PKNOX2: variants seen among roughly 807,000 people sequenced by gnomAD.
PKNOX2 encodes the protein homeobox protein PKNOX2.
In PKNOX2, 14 loss-of-function variants were observed where a neutral mutation model predicts 53.1. The ratio of observed to expected loss-of-function variants is 0.26; its 90% CI spans 0.17 to 0.41. PKNOX2 has a LOEUF of 0.41. Ranked by LOEUF, PKNOX2 falls within the 10% of genes least tolerant of loss-of-function variation. The probability of loss-of-function intolerance (pLI) is 1.00; values close to 1 mark genes in which losing one functional copy is unlikely to be tolerated. For missense variants in PKNOX2, 496 were observed against 602.8 expected, an observed-to-expected ratio of 0.82 and a Z score of 1.85; for synonymous variants, 257 against 242.8, an observed-to-expected ratio of 1.06 and a Z score of -0.54.
At chr11:125,309,387 A>ATTTTTTTT (rs67761552) in intron 2 of PKNOX2, among the ~76,000 whole-genome samples, 2 of 135,238 alleles carry the variant, frequency 1.5e-5, no homozygotes, top group African/African-American at 5.6e-5. Flanking sequence ...AACAGTACCA[A>ATTTTTTTT]TTTTTTTTTT....
chr11:125,399,347 A>C (rs891251337), intron 7 of PKNOX2, among the ~76,000 whole-genome samples: 5 of 152,246 alleles, frequency 3.3e-5, no homozygotes, highest in Non-Finnish European at 7.3e-5. Flanking sequence ...TATGATCAAA[A>C]TTAGCAAGAA....
At chr11:125,409,984 T>A (rs1413562914) in intron 7 of PKNOX2, 3 of 571,774 alleles carry the variant, frequency 5.2e-6, no homozygotes, top group Non-Finnish European at 8.7e-6. Context: ...GTTAAATGGG[T>A]GACTCTTTTT....
At chr11:125,171,930 G>A (rs1027741964) in intron 1 of PKNOX2, among the ~76,000 whole-genome samples, 1 of 152,174 alleles carries the variant, frequency 6.6e-6, no homozygotes, top group Non-Finnish European at 1.5e-5. Flanking sequence ...GAGGTGACGT[G>A]GAAAAAGCCA....
rs549924233 is a variant in PKNOX2, at chr11:125,416,453, C to A, written c.936+4588C>A. Among the ~76,000 whole-genome samples the A allele has an allele frequency of 2.1e-4, 32 of 151,796 alleles. No individual in the cohort carries two copies. In the South Asian group the frequency reaches 6.6e-3, roughly 31 times the overall value. On this transcript the variant is annotated intron_variant, in intron 10 of 12. Coordinates refer to ENST00000298282, the MANE Select transcript of PKNOX2 (RefSeq NM_001382323.2). ...ATCCTAACTATTCAGCATTTGTAAG[C>A]AAATTTGGGCCTCAAGACTTTTGAA...
intron 3 of PKNOX2, among the ~76,000 whole-genome samples, chr11:125,335,698 G>A (rs1163975670): frequency 2.0e-5 from 3 of 152,168 alleles, no homozygotes; most frequent in Non-Finnish European, 4.4e-5. Flanking sequence ...CACACCTGTA[G>A]TTCCAGCTAC....
At chr11:125,384,442 T>C (rs1953479782) in intron 5 of PKNOX2, among the ~76,000 whole-genome samples, 1 of 151,984 alleles carries the variant, frequency 6.6e-6, no homozygotes, top group African/African-American at 2.4e-5. Flanking sequence ...TCTCAGCACT[T>C]TGGGAGGCTG....
rs144483874 is a variant in PKNOX2, at chr11:125,234,587, G to A, written c.-200-458G>A. On this transcript the variant is annotated intron_variant, in intron 1 of 12. Transcript: ENST00000298282. ...GGTAGACAACAGGGTCAGCGTTGTC[G>A]TTTGCTTGCCTTTTGCAGCCTTCCC... is the stretch of plus-strand genomic sequence containing the variant. Among the ~76,000 whole-genome samples, 633 of 152,250 alleles carry A rather than the reference G, an allele frequency of 4.2e-3. 3 individuals are homozygous for A. The highest frequency in any genetic ancestry group is 0.014 in the African/African-American group (581 of 41,532).
rs751146023 is a variant in PKNOX2 at position 125,297,505 on chromosome 11, A to T, written c.-129-34314A>T. Among the ~76,000 whole-genome samples the T allele has an allele frequency of 2.0e-5, 3 of 152,252 alleles. No individual in the cohort carries two copies. In the East Asian group the frequency reaches 5.8e-4, roughly 29 times the overall value. ...GACAGCATGAGTAGGAAAGTGCTTC[A>T]TTCTGGAGAAGTCAGAGAAGGCTTC... On this transcript the variant is annotated intron_variant, in intron 2 of 12. Coordinates refer to ENST00000298282, the MANE Select transcript of PKNOX2 (RefSeq NM_001382323.2).
chr11:125,224,364 C>T (rs1403611410), intron 1 of PKNOX2, among the ~76,000 whole-genome samples: 4 of 152,352 alleles, frequency 2.6e-5, no homozygotes, highest in African/African-American at 9.6e-5. Context: ...ATCTACCTGC[C>T]ATCAGAGTAA....
intron 2 of PKNOX2, among the ~76,000 whole-genome samples, chr11:125,301,150 T>C (rs541628227): frequency 6.6e-6 from 1 of 152,286 alleles, no homozygotes; most frequent in South Asian, 2.1e-4. Flanking sequence ...TGGCTCTGGT[T>C]CAGGGAGCGC....
In PKNOX2 at chr11:125,165,356, C is replaced by A. The variant is rs1338576604; in HGVS notation, c.-201+580C>A. On this transcript the variant is annotated intron_variant, in intron 1 of 12. Coordinates refer to ENST00000298282, the MANE Select transcript of PKNOX2 (RefSeq NM_001382323.2). This position sits in a 1 kb window ranked among gnomAD's most constrained non-coding sequence, Gnocchi z 4.5. ...GAGCCCGGGTGCAGAAGGCTCCCGG[C>A]CGGGCGCTCCGCGGGGAGAGGCTGG... Among the ~76,000 whole-genome samples the A allele has an allele frequency of 6.6e-6, 1 of 152,038 alleles. No individual in the cohort carries two copies. Among genetic ancestry groups the A allele is most frequent in the Non-Finnish European group, 1.5e-5 (1 of 67,958 alleles).
rs144005236 is a variant in PKNOX2 at position 125,260,361 on chromosome 11, G to A, written c.-130+25246G>A. 1.9e-3 allele frequency among the ~76,000 whole-genome samples: 292 copies of A among 152,126 alleles called. 2 individuals are homozygous for A. The highest frequency in any genetic ancestry group is 6.2e-3 in the African/African-American group (259 of 41,484). Reference sequence around the variant, plus strand: ...CTACAGGCACGTGCCACCACATCCAGCTAATTTTTGTATTTTTAGTAGAGA... The same window carrying A: ...CTACAGGCACGTGCCACCACATCCAACTAATTTTTGTATTTTTAGTAGAGA... On this transcript the variant is annotated intron_variant, in intron 2 of 12. Coordinates refer to ENST00000298282, the MANE Select transcript of PKNOX2 (RefSeq NM_001382323.2).
chr11:125,327,656 CA>C (rs776608040), intron 2 of PKNOX2, among the ~76,000 whole-genome samples: 3 of 152,160 alleles, frequency 2.0e-5, no homozygotes, highest in Non-Finnish European at 4.4e-5. Context: ...CCGCGGCCAT[CA>C]GGGGTCTCCT....
intron 1 of PKNOX2, among the ~76,000 whole-genome samples, chr11:125,222,723 GTGTA>G (rs1941318929): frequency 6.6e-6 from 1 of 151,014 alleles, no homozygotes; most frequent in South Asian, 2.1e-4. Context: ...GTATGTGTGT[GTGTA>G]TGTGTGTGTG....
At chr11:125,324,168 A>G (rs1227686796) in intron 2 of PKNOX2, among the ~76,000 whole-genome samples, 1 of 152,140 alleles carries the variant, frequency 6.6e-6, no homozygotes, top group Non-Finnish European at 1.5e-5. Context: ...CACCCTCTTT[A>G]TAGCTTTTCC....
In PKNOX2 at chr11:125,433,062, AT is replaced by A. The variant is rs1317069361; in HGVS notation, c.*1676del. 1 of 152,640 alleles carries A rather than the reference AT, an allele frequency of 6.6e-6. No homozygotes were observed. Among genetic ancestry groups the A allele is most frequent in the Admixed American group, 6.5e-5 (1 of 15,288 alleles). 9.5% of individuals were successfully genotyped at this position (152,640 alleles called of 1,614,324 possible). A position where few individuals can be genotyped will look rare whatever the true frequency, so the allele number is the denominator to read the frequency against. On this transcript the variant is annotated 3_prime_UTR_variant, in exon 13 of 13. Coordinates refer to ENST00000298282, the MANE Select transcript of PKNOX2 (RefSeq NM_001382323.2). ...TATTTATAATCTGGGTGATCCAATC[AT>A]TTTTTACTCCCTTTTGATGCCATAC... is the stretch of plus-strand genomic sequence containing the variant.
At chr11:125,423,372 A>C (rs559912319) in intron 10 of PKNOX2, among the ~76,000 whole-genome samples, 1 of 152,158 alleles carries the variant, frequency 6.6e-6, no homozygotes, top group East Asian at 1.9e-4. Flanking sequence ...ATCCTCCCTG[A>C]ATATACGTTC....
At chr11:125,297,110 T>A (rs112757519) in intron 2 of PKNOX2, among the ~76,000 whole-genome samples, 14 of 152,386 alleles carry the variant, frequency 9.2e-5, no homozygotes, top group African/African-American at 3.4e-4. Flanking sequence ...ACATGCTAAG[T>A]TGTGCCGTAG....
chr11:125,423,086 G>GTATATACACATATATACA (rs1565522974), intron 10 of PKNOX2, among the ~76,000 whole-genome samples: 10 of 151,658 alleles, frequency 6.6e-5, no homozygotes, highest in Non-Finnish European at 1.3e-4. Flanking sequence ...ACATATATAC[G>GTATATACACATATATACA]TATGTATATA....
Sources: allele counts gnomAD v4.1 joint callset (sites outside exome capture counted in the v4.1 genomes callset), GRCh38; gene constraint gnomAD v4.1.1; non-coding constraint Gnocchi (gnomAD v3.1); transcripts MANE v1.5; gene names NCBI Gene and HGNC (gene_info 2026-07-23, HGNC 2026-07-21).